The following RBM20 variants were observed in gnomAD, a reference collection of about 807,000 sequenced individuals.
The protein encoded by RBM20 is RNA binding motif protein 20.
Under a neutral mutation model 110.1 loss-of-function variants are expected in RBM20, and 51 were observed. The observed-to-expected ratio is 0.46, with a 90% CI of 0.37 to 0.59. RBM20 has a LOEUF of 0.59. Among genes scored for constraint, RBM20 ranks in the 20% least tolerant of loss-of-function variants. The pLI is 0.00. For missense variants in RBM20, 1,512 were observed against 1,574.9 expected, an observed-to-expected ratio of 0.96 and a Z score of 0.68; for synonymous variants, 589 against 618.2, an observed-to-expected ratio of 0.95 and a Z score of 0.70.
rs1845086962 is a variant in RBM20 at position 110,833,686 on chromosome 10, C to T, written c.3574-2182C>T. On this transcript the variant is annotated intron_variant, in intron 13 of 13. Transcript: ENST00000369519. ...CAGTGGACTGCACTGTGTTCTGAGC[C>T]TCTGGGCCACGCCCCCAGGCAGACT... Among the ~76,000 whole-genome samples, 5 of 152,340 alleles carry T rather than the reference C, an allele frequency of 3.3e-5. No homozygotes were observed. In the South Asian group the frequency reaches 1.0e-3, roughly 32 times the overall value.
At chr10:110,673,704 A>G (rs772862254) in intron 1 of RBM20, among the ~76,000 whole-genome samples, 3 of 152,202 alleles carry the variant, frequency 2.0e-5, no homozygotes, top group Non-Finnish European at 4.4e-5. Context: ...CTAGATGTAT[A>G]TTCTGCAATC....
intron 1 of RBM20, among the ~76,000 whole-genome samples, chr10:110,672,725 C>A (rs962886580): frequency 1.3e-5 from 2 of 152,130 alleles, no homozygotes; most frequent in African/African-American, 4.8e-5. Flanking sequence ...AGTGCCAGTG[C>A]CCCCAGAGTG....
rs544987584 is a variant in RBM20, at chr10:110,828,199, T to C, written c.3452-2862T>C. On this transcript the variant is annotated intron_variant, in intron 12 of 13. Transcript: ENST00000369519. Reference sequence around the variant, plus strand: ...TATTAGAAGCCAAATGCAGCTTTAGTGATCCTAGTAGAGGCTGAAAAATGG... The same window carrying C: ...TATTAGAAGCCAAATGCAGCTTTAGCGATCCTAGTAGAGGCTGAAAAATGG... 6.6e-5 allele frequency among the ~76,000 whole-genome samples: 10 copies of C among 152,320 alleles called. No homozygotes were observed. The East Asian group carries it at 1.5e-3, about 23-fold the overall frequency.
chr10:110,811,598 G>T (rs933458791), intron 8 of RBM20, among the ~76,000 whole-genome samples: 11 of 152,188 alleles, frequency 7.2e-5, no homozygotes, highest in Admixed American at 1.3e-4. Flanking sequence ...TGGGGTCCTT[G>T]TCTGGGTTTC....
intron 1 of RBM20, among the ~76,000 whole-genome samples, chr10:110,693,117 G>A (rs780549488): frequency 1.6e-4 from 24 of 151,936 alleles, no homozygotes; most frequent in Admixed American, 6.6e-5. Context: ...AATCCCACTT[G>A]GTCATAGTGT....
In RBM20 at chr10:110,731,163, C is replaced by T. The variant is rs907581643; in HGVS notation, c.192-49638C>T. On this transcript the variant is annotated intron_variant, in intron 1 of 13. Coordinates refer to ENST00000369519, the MANE Select transcript of RBM20 (RefSeq NM_001134363.3). ...AGGTACTCTGCATGAGGCCACTTCT[C>T]GATATTTGGGGGCTGGTTGTTATCC... is the stretch of plus-strand genomic sequence containing the variant. Among the ~76,000 whole-genome samples the T allele has an allele frequency of 9.2e-5, 14 of 152,244 alleles. No homozygotes were observed. In the South Asian group the frequency reaches 1.0e-3, roughly 11 times the overall value.
At position 110,781,394 on chromosome 10, in the gene RBM20, C is replaced by T. The variant is rs758718732; in HGVS notation, c.785C>T (p.Thr262Ile). Residue 262 changes from threonine to isoleucine, a missense_variant, in exon 2 of 14, where the codon ACC (threonine) becomes ATC (isoleucine). Physicochemically the swap from Thr to Ile is moderately conservative, Grantham distance 89. This residue lies in a region of RBM20 where 1,149 missense variants were observed against 1,169.4 expected (regional missense o/e 0.98). Coordinates refer to ENST00000369519, the MANE Select transcript of RBM20 (RefSeq NM_001134363.3). ...TCGGCCTCAACCTCGGGCAGTGTGA[C>T]CTATGAAGGGCACTACAGCCACACA... ...PSSASTSGSV[T>I]YEGHYSHTGQ... The T allele has an allele frequency of 6.4e-7, 1 of 1,551,690 alleles. No homozygotes were observed. The highest frequency in any genetic ancestry group is 2.0e-5 in the Admixed American group (1 of 51,012).
At chr10:110,720,202 C>T (rs73356952) in intron 1 of RBM20, among the ~76,000 whole-genome samples, 3,436 of 152,282 alleles carry the variant, frequency 0.023, 113 homozygotes, top group African/African-American at 0.074. Context: ...GTTCAGTCCA[C>T]CCTCCCACCT....
chr10:110,766,579 T>C (rs868053597), intron 1 of RBM20, among the ~76,000 whole-genome samples: 42 of 142,866 alleles, frequency 2.9e-4, no homozygotes, highest in South Asian at 2.5e-3. Flanking sequence ...CATCTTGCAC[T>C]GCCCTTAATC....
chr10:110,741,051 G>A (rs1843719806), intron 1 of RBM20, among the ~76,000 whole-genome samples: 1 of 152,150 alleles, frequency 6.6e-6, no homozygotes. Flanking sequence ...GACGATTCAA[G>A]ATGGCAATTC....
intron 1 of RBM20, among the ~76,000 whole-genome samples, chr10:110,767,136 G>T (rs548669502): frequency 1.9e-5 from 2 of 106,744 alleles, no homozygotes; most frequent in Non-Finnish European, 4.0e-5. Flanking sequence ...CCTCCCTCCC[G>T]GATGGGGTGG....
At chr10:110,799,721 T>C in intron 6 of RBM20, 66 bp from the exon 7 acceptor site, 1 of 1,476,954 alleles carries the variant, frequency 6.8e-7, no homozygotes, top group Non-Finnish European at 9.1e-7. Context: ...GAATCATGCC[T>C]TGTGCTGAAT....
intron 1 of RBM20, among the ~76,000 whole-genome samples, chr10:110,655,524 T>C (rs1862010290): frequency 6.6e-6 from 1 of 152,184 alleles, no homozygotes; most frequent in African/African-American, 2.4e-5. Flanking sequence ...GTCTGCCAAC[T>C]TCCACCAGAC....
At chr10:110,761,505 G>A (rs566053134) in intron 1 of RBM20, among the ~76,000 whole-genome samples, 1 of 152,154 alleles carries the variant, frequency 6.6e-6, no homozygotes, top group Admixed American at 6.5e-5. Flanking sequence ...GCACTTGGGC[G>A]ACTTAAGCCA....
intron 1 of RBM20, among the ~76,000 whole-genome samples, chr10:110,708,361 G>C (rs1862872775): frequency 6.6e-6 from 1 of 152,108 alleles, no homozygotes. Context: ...TTATCAGATT[G>C]TTTTTTTCTG....
In RBM20 at chr10:110,831,376, A is replaced by G. The variant is rs7895891; in HGVS notation, c.3573+194A>G. On this transcript the variant is annotated intron_variant, in intron 13 of 13. Coordinates refer to ENST00000369519, the MANE Select transcript of RBM20 (RefSeq NM_001134363.3). ...TCTGCTTCTGTGTCTGTCTCCTTCC[A>G]CTACATGGAAAACCCCTAATCTTCC... 0.99 allele frequency: 517,785 copies of G among 523,184 alleles called. 256,415 individuals are homozygous for G. The highest frequency in any genetic ancestry group is 1 in the East Asian group (32,185 of 32,186). 32.4% of individuals were successfully genotyped at this position (523,184 alleles called of 1,614,324 possible).
At chr10:110,645,415 G>A (rs1861855053) in intron 1 of RBM20, among the ~76,000 whole-genome samples, 1 of 152,196 alleles carries the variant, frequency 6.6e-6, no homozygotes, top group African/African-American at 2.4e-5. Context: ...TGGTTTATTT[G>A]AAGGATCTCT....
intron 1 of RBM20, among the ~76,000 whole-genome samples, chr10:110,690,897 G>C (rs1310531213): frequency 2.6e-5 from 4 of 152,188 alleles, no homozygotes; most frequent in Admixed American, 2.6e-4. Flanking sequence ...TGCTGGACTT[G>C]AAAGACCTGA....
intron 1 of RBM20, among the ~76,000 whole-genome samples, chr10:110,771,298 G>A (rs529347962): frequency 2.0e-5 from 3 of 152,096 alleles, no homozygotes; most frequent in East Asian, 3.9e-4. Flanking sequence ...GCTAATTTTT[G>A]TATTTTTTTT....
Sources: allele counts gnomAD v4.1 joint callset (sites outside exome capture counted in the v4.1 genomes callset), GRCh38; gene constraint gnomAD v4.1.1; regional missense constraint gnomAD v4.1.1; transcripts MANE v1.5; gene names NCBI Gene and HGNC (gene_info 2026-07-23, HGNC 2026-07-21).